KCTD10: variants seen among roughly 807,000 people sequenced by gnomAD.
KCTD10 encodes the protein potassium channel tetramerization domain containing 10, also known as BTB/POZ domain-containing adapter for CUL3-mediated RhoA degradation protein 3.
A neutral mutation model predicts 34.6 loss-of-function variants in KCTD10; 13 were observed. The ratio of observed to expected loss-of-function variants is 0.38; its 90% CI spans 0.24 to 0.60. The LOEUF is 0.60. KCTD10 is among the 20% of genes least tolerant of loss of function. KCTD10 has a pLI of 0.66. For missense variants in KCTD10, 256 were observed against 420.3 expected, an observed-to-expected ratio of 0.61 and a Z score of 3.42; for synonymous variants, 156 against 168.8, an observed-to-expected ratio of 0.92 and a Z score of 0.59.
chr12:109,471,923 T>C (rs1038266771), intron 1 of KCTD10, among the ~76,000 whole-genome samples: 1 of 152,118 alleles, frequency 6.6e-6, no homozygotes, highest in Non-Finnish European at 1.5e-5. Flanking sequence ...ACAGTAAATA[T>C]GTGATATGAA....
Position 109,450,611 on chromosome 12 carries a change from G to A in KCTD10, c.*984C>T. On this transcript the variant is annotated 3_prime_UTR_variant, in exon 7 of 7. Transcript: ENST00000228495. ...TGGATGCCAGGCTGGGAGGACAAAGGGTATGGGCCACACTGAATTTCTAAG... is the reference window on the plus strand; with the variant it reads ...TGGATGCCAGGCTGGGAGGACAAAGAGTATGGGCCACACTGAATTTCTAAG... The A allele has an allele frequency of 7.9e-6, 3 of 381,110 alleles. No individual in the cohort carries two copies. Among genetic ancestry groups the A allele is most frequent in the Non-Finnish European group, 1.4e-5 (3 of 215,260 alleles). The allele number at this position is 381,110 out of a possible 1,614,324, so 23.6% of individuals were successfully genotyped here.
At chr12:109,475,818 A>C (rs1024383399) in intron 1 of KCTD10, among the ~76,000 whole-genome samples, 5 of 152,172 alleles carry the variant, frequency 3.3e-5, no homozygotes, top group African/African-American at 1.2e-4. Context: ...ATTTCAACTA[A>C]ACTAAGTCAC....
intron 1 of KCTD10, chr12:109,470,431 G>T: frequency 1.0e-6 from 1 of 985,524 alleles, no homozygotes; most frequent in Non-Finnish European, 1.2e-6. Flanking sequence ...CTGATAGCAT[G>T]GCTGACTCTC....
chr12:109,471,250 G>C, intron 1 of KCTD10: 4 of 985,438 alleles, frequency 4.1e-6, no homozygotes, highest in Non-Finnish European at 4.8e-6. Context: ...GAGGCAGCTT[G>C]CAACAGCAGA....
At chr12:109,468,305 G>A (rs949777017) in intron 2 of KCTD10, among the ~76,000 whole-genome samples, 4 of 152,104 alleles carry the variant, frequency 2.6e-5, no homozygotes, top group Non-Finnish European at 4.4e-5. Flanking sequence ...GCCCTCTTAG[G>A]ATCAGAGAAT....
rs756437155 is a variant in KCTD10 at position 109,451,545 on chromosome 12, C to T, written c.*50G>A. ...GCCTGCACAGGATCTGGGTGTAGCA[C>T]GGCAGGGAGTGGGGGCGGTGAGAGG... On this transcript the variant is annotated 3_prime_UTR_variant, in exon 7 of 7. Transcript: ENST00000228495. This position sits in a 1 kb window ranked among gnomAD's most constrained non-coding sequence, Gnocchi z 5.0. 56 of 1,537,208 alleles carry T rather than the reference C, an allele frequency of 3.6e-5. No individual in the cohort carries two copies. The highest frequency in any genetic ancestry group is 6.9e-5 in the Admixed American group (4 of 57,800).
Position 109,477,269 on chromosome 12 carries a change from T to C in KCTD10, c.-7A>G, listed in dbSNP as rs1248862641. ...GCACCGCCCTCCCTACCATGAAAAG[T>C]CGGAGGACGCAGGAGTCTCCAAACC... On this transcript the variant is annotated 5_prime_UTR_variant, in exon 1 of 7. Coordinates refer to ENST00000228495, the MANE Select transcript of KCTD10 (RefSeq NM_031954.5). The C allele has an allele frequency of 1.3e-5, 21 of 1,613,746 alleles. No homozygotes were observed. Among genetic ancestry groups the C allele is most frequent in the Non-Finnish European group, 1.8e-5 (21 of 1,179,928 alleles).
Position 109,451,623 on chromosome 12 carries a change from G to A in KCTD10, c.914C>T (p.Pro305Leu). The change falls in exon 7 of 7, where the codon CCT becomes CTT. Residue 305 changes from proline to leucine, a missense_variant. Pro to Leu is a moderately conservative substitution (Grantham distance 98). Transcript: ENST00000228495. The surrounding 1 kb of genome is among the most constrained non-coding windows in gnomAD (Gnocchi z 5.0). Reference protein sequence around the residue: ...ERVRRIHIKRPDDRAHLHQ With the variant: ...ERVRRIHIKRLDDRAHLHQ ...CTGGTGGAGGTGGGCCCGGTCATCA[G>A]GGCGCTTGATGTGGATCCTCCGCAC... The A allele has an allele frequency of 6.2e-7, 1 of 1,610,036 alleles. No individual in the cohort carries two copies. Among genetic ancestry groups the A allele is most frequent in the Non-Finnish European group, 8.5e-7 (1 of 1,178,840 alleles).
At chr12:109,476,729 C>G in intron 1 of KCTD10, among the ~76,000 whole-genome samples, 1 of 152,084 alleles carries the variant, frequency 6.6e-6, no homozygotes, top group East Asian at 1.9e-4. Context: ...TGTGTTCAGA[C>G]GCACCTGGGA....
rs186702984 is a variant in KCTD10 at position 109,448,746 on chromosome 12, A to C, written c.*2849T>G. On this transcript the variant is annotated 3_prime_UTR_variant, in exon 7 of 7. Transcript: ENST00000228495. ...ACTTTGAGCATTTTTTTATGGCGCA[A>C]AGAGACAGAAAGGTTAATGACACAC... 9.8e-5 allele frequency: 15 copies of C among 152,366 alleles called. No individual in the cohort carries two copies. In the East Asian group the frequency reaches 2.3e-3, roughly 23 times the overall value. 9.4% of individuals were successfully genotyped at this position (152,366 alleles called of 1,614,324 possible).
chr12:109,456,056 G>C, intron 6 of KCTD10, 62 bp downstream of exon 6: 2 of 1,499,114 alleles, frequency 1.3e-6, no homozygotes, highest in Non-Finnish European at 1.8e-6. Context: ...TCAAGTGAAA[G>C]GAAGTTCTAT....
At chr12:109,454,367 A>G (rs543378511) in intron 6 of KCTD10, among the ~76,000 whole-genome samples, 1 of 152,348 alleles carries the variant, frequency 6.6e-6, no homozygotes, top group Non-Finnish European at 1.5e-5. Flanking sequence ...TACAATAACC[A>G]ACAACCTCAA....
chr12:109,466,750 C>G (rs1434687086), intron 2 of KCTD10, among the ~76,000 whole-genome samples: 1 of 152,246 alleles, frequency 6.6e-6, no homozygotes, highest in Admixed American at 6.5e-5. Context: ...TCAGGACCTT[C>G]AAAGCCCCTG....
At position 109,450,291 on chromosome 12, in the gene KCTD10, G is replaced by A; in HGVS notation, c.*1304C>T. The A allele has an allele frequency of 2.5e-6, 1 of 398,656 alleles. No individual in the cohort carries two copies. 24.7% of individuals were successfully genotyped at this position (398,656 alleles called of 1,614,324 possible). A position where few individuals can be genotyped will look rare whatever the true frequency, so the allele number is the denominator to read the frequency against. ...CCTTTGCAGGTGCAGAGGAGCCTGGGAGGTAGGTCACTGAGAACACCCGTC... is the reference window on the plus strand; with the variant it reads ...CCTTTGCAGGTGCAGAGGAGCCTGGAAGGTAGGTCACTGAGAACACCCGTC... On this transcript the variant is annotated 3_prime_UTR_variant, in exon 7 of 7. Coordinates refer to ENST00000228495, the MANE Select transcript of KCTD10 (RefSeq NM_031954.5).
Position 109,460,956 on chromosome 12 carries a change from T to A in KCTD10, c.218-151A>T. ...CAGCCTCACCTGCCTACCTGCCCAC[T>A]AAGGGCTGAGGAAGCCCCCACAGCC... On this transcript the variant is annotated intron_variant, in intron 2 of 6. Transcript: ENST00000228495. The surrounding 1 kb of genome is among the most constrained non-coding windows in gnomAD (Gnocchi z 4.5). The A allele has an allele frequency of 1.3e-6, 1 of 754,604 alleles. No homozygotes were observed. The highest frequency in any genetic ancestry group is 2.1e-6 in the Non-Finnish European group (1 of 475,016). The allele number at this position is 754,604 out of a possible 1,614,324, so 46.7% of individuals were successfully genotyped here. A position where few individuals can be genotyped will look rare whatever the true frequency, so the allele number is the denominator to read the frequency against.
In KCTD10 at chr12:109,457,614, C is replaced by T; in HGVS notation, c.527+16G>A. The T allele has an allele frequency of 6.2e-7, 1 of 1,613,520 alleles. No homozygotes were observed. The highest frequency in any genetic ancestry group is 8.5e-7 in the Non-Finnish European group (1 of 1,179,394). ...TTCCTAGTAAATGGAGCTGTCTTTC[C>T]CGGCTGACGCCTTACCTGGTATATG... On this transcript the variant is annotated intron_variant, in intron 5 of 6. Transcript: ENST00000228495.
rs190381349 is a variant in KCTD10 at position 109,476,808 on chromosome 12, C to T, written c.3+452G>A. Among the ~76,000 whole-genome samples the T allele has an allele frequency of 1.6e-3, 237 of 152,242 alleles. 1 individual carries two copies. The highest frequency in any genetic ancestry group is 3.4e-3 in the Middle Eastern group (1 of 294). On this transcript the variant is annotated intron_variant, in intron 1 of 6. Transcript: ENST00000228495. The stretch of plus-strand genomic sequence containing the variant: ...CCTCCAAAACGCCAAACGCTCCGCC[C>T]CAAGGAATCCTACCTCACCTTCTCA...
Position 109,450,218 on chromosome 12 carries a change from A to T in KCTD10, c.*1377T>A, listed in dbSNP as rs765086475. The T allele has an allele frequency of 2.5e-6, 1 of 398,434 alleles. No homozygotes were observed. The highest frequency in any genetic ancestry group is 4.4e-6 in the Non-Finnish European group (1 of 226,068). 24.7% of individuals were successfully genotyped at this position (398,434 alleles called of 1,614,324 possible). A position where few individuals can be genotyped will look rare whatever the true frequency, so the allele number is the denominator to read the frequency against. ...ATTCACATCTCCTGGTAACTACTCT[A>T]CCTAGTCTAGTCTCAACCACCCCTG... On this transcript the variant is annotated 3_prime_UTR_variant, in exon 7 of 7. Coordinates refer to ENST00000228495, the MANE Select transcript of KCTD10 (RefSeq NM_031954.5).
chr12:109,470,425 T>C (rs2135678886), intron 1 of KCTD10: 9 of 985,526 alleles, frequency 9.1e-6, no homozygotes, highest in Non-Finnish European at 1.1e-5. Context: ...ATCTCCCTGA[T>C]AGCATGGCTG....
Sources: gnomAD v4.1 joint callset for allele counts (sites outside exome capture counted in the v4.1 genomes callset) on GRCh38, gnomAD v4.1.1 for gene constraint, Gnocchi (gnomAD v3.1) non-coding constraint, MANE v1.5 for transcripts, NCBI Gene and HGNC (gene_info 2026-07-23, HGNC 2026-07-21) for gene names.